The following ATXN1 variants were observed in gnomAD, a reference collection of about 807,000 sequenced individuals.
ATXN1 encodes ataxin-1.
In ATXN1, 8 loss-of-function variants were observed where a neutral mutation model predicts 56.4. That is an observed-to-expected ratio of 0.14 (90% confidence interval 0.08 to 0.26). The LOEUF (loss-of-function observed/expected upper bound fraction) is 0.26, where lower values mean the gene tolerates loss of function less well. Among genes scored for constraint, ATXN1 ranks in the 10% least tolerant of loss-of-function variants. ATXN1 has a pLI of 1.00. For synonymous variants in ATXN1, 514 were observed against 494.6 expected, an observed-to-expected ratio of 1.04 and a Z score of -0.52; for missense variants, 987 against 1,106.5, an observed-to-expected ratio of 0.89 and a Z score of 1.53.
intron 4 of ATXN1, among the ~76,000 whole-genome samples, chr6:16,540,906 G>C (rs571574736): frequency 5.5e-4 from 84 of 152,302 alleles, no homozygotes; most frequent in African/African-American, 1.7e-3. Flanking sequence ...TTAAATTGCT[G>C]TGGGAGACAG....
intron 2 of ATXN1, among the ~76,000 whole-genome samples, chr6:16,674,695 C>A (rs370028710): frequency 1.3e-5 from 2 of 152,082 alleles, no homozygotes; most frequent in East Asian, 3.9e-4. Context: ...ACTTTATTAC[C>A]TAGATTTCAT....
chr6:16,461,689 T>A (rs919352160), intron 6 of ATXN1, among the ~76,000 whole-genome samples: 1 of 152,204 alleles, frequency 6.6e-6, no homozygotes, highest in African/African-American at 2.4e-5. Flanking sequence ...TTCCCAGATT[T>A]GGGCTTCCCC....
intron 6 of ATXN1, among the ~76,000 whole-genome samples, chr6:16,436,186 C>G (rs1175246909): frequency 2.0e-5 from 3 of 152,196 alleles, no homozygotes; most frequent in African/African-American, 7.2e-5. Context: ...GCGTGAGCCA[C>G]CACACCTGGC....
intron 4 of ATXN1, among the ~76,000 whole-genome samples, chr6:16,561,514 A>G (rs1024600633): frequency 5.9e-5 from 9 of 152,304 alleles, no homozygotes; most frequent in Admixed American, 4.6e-4. Flanking sequence ...CATTGACACA[A>G]TATTTACTGT....
chr6:16,500,749 A>G (rs1398005063), intron 5 of ATXN1, among the ~76,000 whole-genome samples: 1 of 151,190 alleles, frequency 6.6e-6, no homozygotes, highest in East Asian at 2.0e-4. Context: ...AAAAAAAAAA[A>G]AAAAAAAAAA....
At chr6:16,423,265 C>A (rs372349764) in intron 6 of ATXN1, among the ~76,000 whole-genome samples, 1 of 152,170 alleles carries the variant, frequency 6.6e-6, no homozygotes, top group South Asian at 2.1e-4. Context: ...CCTTCTACTA[C>A]GCAAGGTCTC....
intron 6 of ATXN1, among the ~76,000 whole-genome samples, chr6:16,343,541 C>T (rs73724840): frequency 0.03 from 4,603 of 152,180 alleles, 207 homozygotes; most frequent in African/African-American, 0.1. Context: ...TATGCCCTTT[C>T]TCACATCCGC....
At chr6:16,397,551 A>G (rs1758481963) in intron 6 of ATXN1, among the ~76,000 whole-genome samples, 1 of 152,172 alleles carries the variant, frequency 6.6e-6, no homozygotes, top group South Asian at 2.1e-4. Context: ...GGCCGCCAGT[A>G]GTAGCTAAAC....
intron 2 of ATXN1, among the ~76,000 whole-genome samples, chr6:16,745,048 T>C (rs914682512): frequency 2.0e-5 from 3 of 152,182 alleles, no homozygotes; most frequent in Non-Finnish European, 4.4e-5. Context: ...TAAACACAGA[T>C]GGAAATGTTC....
At chr6:16,669,162 T>G (rs1758488896) in intron 2 of ATXN1, among the ~76,000 whole-genome samples, 1 of 152,236 alleles carries the variant, frequency 6.6e-6, no homozygotes, top group Admixed American at 6.5e-5. Context: ...TCAAGGAACA[T>G]GGCTAAGAGC....
At chr6:16,617,546 C>T (rs548777015) in intron 3 of ATXN1, among the ~76,000 whole-genome samples, 7 of 151,854 alleles carry the variant, frequency 4.6e-5, no homozygotes, top group East Asian at 1.9e-4. Flanking sequence ...ATGCGGATCA[C>T]GAGGTCAGGA....
rs143606757 is a variant in ATXN1, at chr6:16,652,570, C to A, written c.-489+5206G>T. Among the ~76,000 whole-genome samples, 959 of 152,172 alleles carry A rather than the reference C, an allele frequency of 6.3e-3. 13 individuals carry two copies. The highest frequency in any genetic ancestry group is 0.022 in the African/African-American group (901 of 41,514). On this transcript the variant is annotated intron_variant, in intron 3 of 7. Coordinates refer to ENST00000436367, the MANE Select transcript of ATXN1 (RefSeq NM_001128164.2). Reference sequence around the variant, plus strand: ...CTCTATAATTTTTTAAAAATCTCGCCCCTCATTACTCCTCCACCTGACATC... The same window carrying A: ...CTCTATAATTTTTTAAAAATCTCGCACCTCATTACTCCTCCACCTGACATC...
chr6:16,417,828 A>C (rs1056137900), intron 6 of ATXN1, among the ~76,000 whole-genome samples: 1 of 152,124 alleles, frequency 6.6e-6, no homozygotes, highest in African/African-American at 2.4e-5. Context: ...TGCTTGAAGA[A>C]GAAATCCATG....
chr6:16,557,713 G>C (rs751884600), intron 4 of ATXN1, among the ~76,000 whole-genome samples: 16 of 152,246 alleles, frequency 1.1e-4, no homozygotes, highest in Non-Finnish European at 1.8e-4. Context: ...GGACTTCAGT[G>C]AATGATATGG....
intron 2 of ATXN1, among the ~76,000 whole-genome samples, chr6:16,742,830 C>A (rs1490867214): frequency 1.3e-5 from 2 of 152,114 alleles, no homozygotes; most frequent in Non-Finnish European, 2.9e-5. Context: ...GTCACCCTAC[C>A]CCTTTAAGCA....
chr6:16,355,710 C>T (rs767150198), intron 6 of ATXN1, among the ~76,000 whole-genome samples: 22 of 152,170 alleles, frequency 1.4e-4, no homozygotes, highest in Non-Finnish European at 2.5e-4. Context: ...TATAGGCATG[C>T]GCCACCACGC....
intron 6 of ATXN1, among the ~76,000 whole-genome samples, chr6:16,404,556 C>G (rs2113541350): frequency 6.6e-6 from 1 of 152,270 alleles, no homozygotes; most frequent in South Asian, 2.1e-4. Context: ...CCTTGGGGTT[C>G]CTGTCACGCT....
In ATXN1 at chr6:16,327,988, G is replaced by T; in HGVS notation, c.323C>A (p.Thr108Asn). The change falls in exon 7 of 8, where the codon ACC becomes AAC. Residue 108 changes from threonine (T) to asparagine (N), a missense_variant. Physicochemically the swap from Thr to Asn is moderately conservative, Grantham distance 65. Around this residue, in one of 3 missense-constraint regions of ATXN1, gnomAD observed 723 missense variants for 791.7 expected, o/e 0.91. Transcript: ENST00000436367. ...VATTLPAAYA[T>N]PQPGTPVSPV... ...GGACACCGGGGTCCCTGGCTGCGGG[G>T]TGGCGTACGCGGCAGGCAGCGTGGT... The T allele has an allele frequency of 1.2e-6, 2 of 1,613,594 alleles. No individual in the cohort carries two copies. Among genetic ancestry groups the T allele is most frequent in the Non-Finnish European group, 1.7e-6 (2 of 1,179,790 alleles).
At chr6:16,353,077 T>C (rs767677042) in intron 6 of ATXN1, among the ~76,000 whole-genome samples, 1 of 152,104 alleles carries the variant, frequency 6.6e-6, no homozygotes, top group Non-Finnish European at 1.5e-5. Flanking sequence ...GCGTGAGATT[T>C]TATCATGCTA....
Sources: allele counts gnomAD v4.1 joint callset (sites outside exome capture counted in the v4.1 genomes callset), GRCh38; gene constraint gnomAD v4.1.1; regional missense constraint gnomAD v4.1.1; transcripts MANE v1.5; gene names NCBI Gene and HGNC (gene_info 2026-07-23, HGNC 2026-07-21).